SGCD: variants seen among roughly 807,000 people sequenced by gnomAD.
SGCD encodes delta-sarcoglycan.
Under a neutral mutation model 36.6 loss-of-function variants are expected in SGCD, and 18 were observed. The observed-to-expected ratio is 0.49, with a 90% CI of 0.34 to 0.73. The LOEUF is 0.73. Ranked by LOEUF, SGCD falls within the 30% of genes least tolerant of loss-of-function variation. SGCD has a pLI of 0.01. For missense variants in SGCD, 387 were observed against 346.7 expected (o/e 1.12, Z -0.92); for synonymous variants, 133 against 130.6 (o/e 1.02, Z -0.12).
upstream of SGCD, among the ~76,000 whole-genome samples, chr5:155,868,061 T>G (rs140799166): frequency 4.6e-3 from 702 of 152,142 alleles, 2 homozygotes; most frequent in Middle Eastern, 0.021. Context: ...ATGATCTTTT[T>G]TTTTTTTCGA....
At chr5:156,437,631 T>G (rs1351966612) in intron 3 of SGCD, among the ~76,000 whole-genome samples, 1 of 152,164 alleles carries the variant, frequency 6.6e-6, no homozygotes, top group Non-Finnish European at 1.5e-5. Flanking sequence ...TTACATCATT[T>G]TCAAGAAAAC....
At chr5:156,601,784 G>A (rs1051279833) in intron 6 of SGCD, among the ~76,000 whole-genome samples, 29 of 151,984 alleles carry the variant, frequency 1.9e-4, no homozygotes, top group African/African-American at 6.3e-4. Context: ...CCCGGGTTCC[G>A]GACATTCTCC....
At chr5:155,747,962 C>A in the SGCD span, among the ~76,000 whole-genome samples, 56 of 152,290 alleles carry the variant, frequency 3.7e-4, no homozygotes, top group Admixed American at 3.5e-3. Flanking sequence ...AAAGGCAAAT[C>A]TGAACCTGTC....
intron 3 of SGCD, among the ~76,000 whole-genome samples, chr5:156,180,502 AAATC>A (rs1384475836): frequency 6.6e-6 from 1 of 152,224 alleles, no homozygotes; most frequent in African/African-American, 2.4e-5. Flanking sequence ...TTTTAATAAA[AAATC>A]AATATATGCT....
intron 3 of SGCD, among the ~76,000 whole-genome samples, chr5:156,289,570 T>C (rs1766704387): frequency 6.6e-6 from 1 of 152,014 alleles, no homozygotes; most frequent in African/African-American, 2.4e-5. Context: ...CCTCTTTCTA[T>C]TGCTTCTTCT....
intron 7 of SGCD, among the ~76,000 whole-genome samples, chr5:156,712,721 C>G (rs1173733915): frequency 6.6e-6 from 1 of 152,170 alleles, no homozygotes; most frequent in East Asian, 1.9e-4. Context: ...TGGTACACAC[C>G]AAGCCCTTGT....
chr5:156,634,900 A>T (rs1762767057), intron 6 of SGCD, among the ~76,000 whole-genome samples: 1 of 152,058 alleles, frequency 6.6e-6, no homozygotes. Flanking sequence ...AGCTAAAGAG[A>T]TGGGTTATGT....
At chr5:155,945,676 G>T (rs560286771) in intron 1 of SGCD, among the ~76,000 whole-genome samples, 1 of 152,110 alleles carries the variant, frequency 6.6e-6, no homozygotes, top group Non-Finnish European at 1.5e-5. Context: ...TGGTGCCAGG[G>T]ACCCTCAAGG....
chr5:155,868,360 CTTTTTTTTTT>C (rs10532701), upstream of SGCD, among the ~76,000 whole-genome samples: 1 of 110,734 alleles, frequency 9.0e-6, no homozygotes, highest in Non-Finnish European at 1.8e-5. Context: ...CCCTTTTTTT[CTTTTTTTTTT>C]TTTTTTTTTT....
At chr5:156,188,913 C>T (rs1763826890) in intron 3 of SGCD, among the ~76,000 whole-genome samples, 2 of 152,166 alleles carry the variant, frequency 1.3e-5, no homozygotes, top group East Asian at 1.9e-4. Flanking sequence ...AACCCTATAA[C>T]CTGTTTTGCT....
chr5:155,736,479 C>T, the SGCD span, among the ~76,000 whole-genome samples: 1 of 152,056 alleles, frequency 6.6e-6, no homozygotes, highest in African/African-American at 2.4e-5. Context: ...TAACAAATTG[C>T]TCCCTTTCCT....
chr5:156,716,678 T>C (rs866780029), intron 7 of SGCD, among the ~76,000 whole-genome samples: 5 of 152,236 alleles, frequency 3.3e-5, no homozygotes, highest in Non-Finnish European at 2.9e-5. Context: ...TTTCCGGATC[T>C]AATGCACAGA....
At position 156,078,579 on chromosome 5, in the gene SGCD, T is replaced by TTATATTTATATATATATTTATATTTA. The variant is rs1561710215; in HGVS notation, c.-281-39294_-281-39293insTTATATATATATTTATATTTATATAT. Reference sequence around the variant, plus strand: ...TTTATATTTATATATATATTTATATTTATATATATTTATATTTATATATTT... The same window carrying TTATATTTATATATATATTTATATTTA: ...TTTATATTTATATATATATTTATATTTATATTTATATATATATTTATATTTATATATATATTTATATTTATATATTT... On this transcript the variant is annotated intron_variant, in intron 1 of 9. Coordinates refer to the SGCD transcript ENST00000517913. Among the ~76,000 whole-genome samples the TTATATTTATATATATATTTATATTTA allele has an allele frequency of 3.1e-3, 430 of 136,532 alleles. 3 individuals are homozygous for TTATATTTATATATATATTTATATTTA. The highest frequency in any genetic ancestry group is 5.7e-3 in the Non-Finnish European group (376 of 65,858). 89.6% of individuals were successfully genotyped at this position (136,532 alleles called of 152,430 possible).
At chr5:155,878,628 T>A (rs1755814553) in intron 1 of SGCD, among the ~76,000 whole-genome samples, 2 of 152,080 alleles carry the variant, frequency 1.3e-5, no homozygotes, top group Non-Finnish European at 2.9e-5. Context: ...AAGGATGTGG[T>A]CACCCAAAGG....
At chr5:156,103,040 A>C (rs1761557946) in intron 1 of SGCD, among the ~76,000 whole-genome samples, 1 of 152,206 alleles carries the variant, frequency 6.6e-6, no homozygotes, top group African/African-American at 2.4e-5. Flanking sequence ...TTCCGCTTTT[A>C]TTATAATTTG....
At chr5:156,297,970 A>G (rs527392876) in intron 3 of SGCD, among the ~76,000 whole-genome samples, 2 of 150,112 alleles carry the variant, frequency 1.3e-5, no homozygotes, top group East Asian at 2.0e-4. Context: ...CCGTCCTTCT[A>G]CTCTGTCTCT....
intron 3 of SGCD, among the ~76,000 whole-genome samples, chr5:156,305,119 G>T (rs1426898081): frequency 6.6e-6 from 1 of 152,226 alleles, no homozygotes; most frequent in Non-Finnish European, 1.5e-5. Flanking sequence ...CAAGCCAGCT[G>T]CAGAAATTTG....
chr5:156,073,452 A>G (rs924931222), intron 1 of SGCD, among the ~76,000 whole-genome samples: 1 of 152,184 alleles, frequency 6.6e-6, no homozygotes, highest in African/African-American at 2.4e-5. Context: ...AGGTCTAGCT[A>G]CCTGGAAGAC....
intron 3 of SGCD, among the ~76,000 whole-genome samples, chr5:156,484,853 C>A (rs986538312): frequency 6.6e-6 from 1 of 152,106 alleles, no homozygotes; most frequent in African/African-American, 2.4e-5. Flanking sequence ...CTGGTAATTT[C>A]CAGGGGTCAT....
Sources: allele counts gnomAD v4.1 joint callset (sites outside exome capture counted in the v4.1 genomes callset), GRCh38; gene constraint gnomAD v4.1.1; transcripts MANE v1.5; gene names NCBI Gene and HGNC (gene_info 2026-07-23, HGNC 2026-07-21).